BRCA2: variants seen among roughly 807,000 people sequenced by gnomAD.
BRCA2 encodes BRCA2 DNA repair associated.
BRCA2 carries 203 observed loss-of-function variants against 276.7 expected under a neutral mutation model. That is an observed-to-expected ratio of 0.73 (90% CI 0.65 to 0.82). The LOEUF (loss-of-function observed/expected upper bound fraction) is 0.82. BRCA2 is among the 40% of genes least tolerant of loss of function. The pLI is 0.00. For synonymous variants in BRCA2, 1,289 were observed against 1,338.4 expected (o/e 0.96, Z 0.81); for missense variants, 3,920 against 3,915.0 (o/e 1.00, Z -0.03).
At chr13:32,344,946 C>A (rs1360997094) in intron 12 of BRCA2, among the ~76,000 whole-genome samples, 1 of 152,078 alleles carries the variant, frequency 6.6e-6, no homozygotes, top group Non-Finnish European at 1.5e-5. Flanking sequence ...CTGAGTTATG[C>A]GGATCTTCCG....
Position 32,339,127 on chromosome 13 carries a change from G to A in BRCA2, c.4772G>A (p.Cys1591Tyr), listed in dbSNP as rs1555283933. 1.4e-5 allele frequency: 22 copies of A among 1,613,848 alleles called. No individual in the cohort carries two copies. Among genetic ancestry groups the A allele is most frequent in the African/African-American group, 2.7e-5 (2 of 74,898 alleles). The change falls in exon 11 of 27, where the codon TGT becomes TAT. Residue 1591 changes from cysteine to tyrosine, a missense_variant. Physicochemically the swap from Cys to Tyr is radical, Grantham distance 194. Around this residue, in one of 2 missense-constraint regions of BRCA2, gnomAD observed 3,263 missense variants for 3,156.9 expected, o/e 1.03. Transcript: ENST00000380152. ...ATTGAGATCACAGCTGCCCCAAAGT[G>A]TAAAGAAATGCAGAATTCTCTCAAT... ...ETIEITAAPK[C>Y]KEMQNSLNND... is the part of the protein sequence containing the mutation.
At position 32,336,846 on chromosome 13, in the gene BRCA2, G is replaced by A. The variant is rs397507287; in HGVS notation, c.2491G>A (p.Val831Ile). 3.7e-6 allele frequency: 6 copies of A among 1,605,304 alleles called. No homozygotes were observed. The African/African-American group carries it at 5.4e-5, about 14-fold the overall frequency. Residue 831 changes from valine to isoleucine, a missense_variant, in exon 11 of 27, where the codon GTT becomes ATT. By Grantham distance (29) the Val-to-Ile change is conservative (BLOSUM62 3). Transcript: ENST00000380152. ...TGCTTTAAATGAAAATTATAAAAAC[G>A]TTGAGCTGTTGCCACCTGAAAAATA... ...VCALNENYKN[V>I]ELLPPEKYMR...
intron 3 of BRCA2, among the ~76,000 whole-genome samples, chr13:32,322,040 A>T (rs1226616925): frequency 6.6e-6 from 1 of 151,926 alleles, no homozygotes; most frequent in Non-Finnish European, 1.5e-5. Context: ...CACCCTTTGT[A>T]TGGTTCTATG....
At chr13:32,362,466 GA>G in intron 16 of BRCA2, 56 bp from the exon 17 acceptor site, 1 of 1,510,302 alleles carries the variant, frequency 6.6e-7, no homozygotes, top group Non-Finnish European at 9.2e-7. Flanking sequence ...TGTAGTTGTT[GA>G]ATTCAGTATC....
rs863224303 is a variant in BRCA2 at position 32,319,231 on chromosome 13, G to C, written c.222G>C (p.Leu74=). ...AAAGGAAACCATCTTATAATCAGCT[G>C]GCTTCAACTCCAATAATATTCAAAG... ...TPQRKPSYNQ[L]ASTPIIFKEQ... Residue 74 remains leucine (L), a synonymous_variant, in exon 3 of 27, where the codon CTG becomes CTC. Transcript: ENST00000380152. 1.9e-6 allele frequency: 3 copies of C among 1,613,488 alleles called. No homozygotes were observed. The highest frequency in any genetic ancestry group is 2.5e-6 in the Non-Finnish European group (3 of 1,179,570).
rs762815401 is a variant in BRCA2, at chr13:32,346,795, CTAATATG to C, written c.6938-25_6938-19del. The C allele has an allele frequency of 3.8e-5, 58 of 1,526,286 alleles. No homozygotes were observed. In the East Asian group the frequency reaches 1.3e-3, roughly 35 times the overall value. 94.5% of individuals were successfully genotyped at this position (1,526,286 alleles called of 1,614,324 possible). ...ACATGGATATTCTCTTAGATTTTAA[CTAATATG>C]TAATATAAAATAATTGTTTCCTAGG... On this transcript the variant is annotated intron_variant, in intron 12 of 26. Transcript: ENST00000380152.
rs11571698 is a variant in BRCA2, at chr13:32,351,909, C to G, written c.7008-2952C>G. Among the ~76,000 whole-genome samples the G allele has an allele frequency of 0.039, 5,866 of 152,212 alleles. 205 individuals are homozygous for G. Among genetic ancestry groups the G allele is most frequent in the South Asian group, 0.11 (536 of 4,822 alleles). On this transcript the variant is annotated intron_variant, in intron 13 of 26. Coordinates refer to ENST00000380152, the MANE Select transcript of BRCA2 (RefSeq NM_000059.4). ...CTCTGCCTCCTAGGTTCAAGCGACT[C>G]TCCTGCTTCAGCCTCCCAAGTAGCC...
chr13:32,329,166 A>G (rs1441428963), intron 7 of BRCA2, among the ~76,000 whole-genome samples: 1 of 152,230 alleles, frequency 6.6e-6, no homozygotes, highest in Non-Finnish European at 1.5e-5. Context: ...TCACAGCATC[A>G]TCTGACTTTC....
chr13:32,358,468 C>G lies in BRCA2; in HGVS notation c.7805+539C>G, dbSNP rs75002749. The stretch of plus-strand genomic sequence containing the variant: ...TCCAGGCTGGGCGATAAGAGTGAGA[C>G]TCCATCTCAAAAAAAAAAAAAAGAA... On this transcript the variant is annotated intron_variant, in intron 16 of 26. Coordinates refer to ENST00000380152, the MANE Select transcript of BRCA2 (RefSeq NM_000059.4). 7.7e-3 allele frequency among the ~76,000 whole-genome samples: 1,049 copies of G among 136,584 alleles called. 13 individuals are homozygous for G. The highest frequency in any genetic ancestry group is 0.028 in the African/African-American group (996 of 36,160). The allele number at this position is 136,584 out of a possible 152,430, so 89.6% of individuals were successfully genotyped here.
chr13:32,355,968 G>C (rs1295145571), intron 14 of BRCA2, among the ~76,000 whole-genome samples: 1 of 151,656 alleles, frequency 6.6e-6, no homozygotes, highest in African/African-American at 2.4e-5. Flanking sequence ...AATTAAAAGG[G>C]GTACCCTTTT....
intron 11 of BRCA2, among the ~76,000 whole-genome samples, chr13:32,341,665 G>T (rs914562317): frequency 1.2e-4 from 18 of 152,054 alleles, no homozygotes; most frequent in Admixed American, 1.2e-3. Flanking sequence ...AGGAGATCGA[G>T]ACCATCCCGG....
At position 32,362,592 on chromosome 13, in the gene BRCA2, A is replaced by G. The variant is rs2137577015; in HGVS notation, c.7875A>G (p.Arg2625=). 1.2e-6 allele frequency: 2 copies of G among 1,614,158 alleles called. No individual in the cohort carries two copies. Among genetic ancestry groups the G allele is most frequent in the East Asian group, 2.2e-5 (1 of 44,882 alleles). ...GAATTTGGGTTTATAATCACTATAG[A>G]TGGATCATATGGAAACTGGCAGCTA... ...ISRIWVYNHY[R]WIIWKLAAME... Residue 2625 remains arginine, a synonymous_variant, in exon 17 of 27, where the codon AGA becomes AGG. Transcript: ENST00000380152.
rs1064793402 is a variant in BRCA2 at position 32,333,338 on chromosome 13, T to G, written c.1860T>G (p.Phe620Leu). Reference protein sequence around the residue: ...KSELINCSAQFEANAFEAPLT... With the variant: ...KSELINCSAQLEANAFEAPLT... ...AACTAATTAACTGTTCAGCCCAGTT[T>G]GAAGCAAATGCTTTTGAAGCACCAC... The change falls in exon 10 of 27, where the codon TTT (phenylalanine) becomes TTG (leucine). Residue 620 changes from phenylalanine (F) to leucine (L), a missense_variant. Around this residue, in one of 2 missense-constraint regions of BRCA2, gnomAD observed 3,263 missense variants for 3,156.9 expected, o/e 1.03. Coordinates refer to ENST00000380152, the MANE Select transcript of BRCA2 (RefSeq NM_000059.4). 3 of 1,607,550 alleles carry G rather than the reference T, an allele frequency of 1.9e-6. No individual in the cohort carries two copies. Among genetic ancestry groups the G allele is most frequent in the Admixed American group, 1.7e-5 (1 of 59,032 alleles).
Position 32,356,610 on chromosome 13 carries a change from G to GT in BRCA2, c.7617+2dup. On this transcript the variant is annotated splice_donor_variant, in intron 15 of 26. Coordinates refer to ENST00000380152, the MANE Select transcript of BRCA2 (RefSeq NM_000059.4). LOFTEE classifies it high-confidence loss of function. ...TCCCTCTGCGTGTTCTCATAAACAG[G>GT]TATGTGTTTGTCTACAATACTGATG... is the stretch of plus-strand genomic sequence containing the variant. 1 of 1,613,814 alleles carries GT rather than the reference G, an allele frequency of 6.2e-7. No homozygotes were observed. Among genetic ancestry groups the GT allele is most frequent in the Non-Finnish European group, 8.5e-7 (1 of 1,179,738 alleles).
rs398122606 is a variant in BRCA2 at position 32,370,475 on chromosome 13, C to T, written c.8405C>T (p.Pro2802Leu). ...LGFFPDPRPFPLPLSSLFSDG... is the reference protein window; with the variant it reads ...LGFFPDPRPFLLPLSSLFSDG... Reference sequence around the variant, plus strand: ...TTCTTTCCTGACCCTAGACCTTTTCCTCTGCCCTTATCATCGCTTTTCAGT... The same window carrying T: ...TTCTTTCCTGACCCTAGACCTTTTCTTCTGCCCTTATCATCGCTTTTCAGT... Residue 2802 changes from proline (P) to leucine (L), a missense_variant, in exon 19 of 27, where the codon CCT becomes CTT. Pro to Leu is a moderately conservative substitution (Grantham distance 98). Around this residue, in one of 2 missense-constraint regions of BRCA2, gnomAD observed 657 missense variants for 758.2 expected, o/e 0.87. Transcript: ENST00000380152. 2 of 1,613,974 alleles carry T rather than the reference C, an allele frequency of 1.2e-6. No individual in the cohort carries two copies. Among genetic ancestry groups the T allele is most frequent in the East Asian group, 2.2e-5 (1 of 44,886 alleles).
At chr13:32,387,001 G>C (rs1956155979) in intron 24 of BRCA2, among the ~76,000 whole-genome samples, 1 of 151,748 alleles carries the variant, frequency 6.6e-6, no homozygotes, top group South Asian at 2.1e-4. Flanking sequence ...CTGGTGATTT[G>C]CTGGCATTTT....
At chr13:32,352,068 T>C (rs2072657056) in intron 13 of BRCA2, among the ~76,000 whole-genome samples, 1 of 152,174 alleles carries the variant, frequency 6.6e-6, no homozygotes. Flanking sequence ...CCCAAGGTGC[T>C]GGGATTACAG....
In BRCA2 at chr13:32,362,397, A is replaced by G. The variant is rs948014704; in HGVS notation, c.7806-126A>G. 5 of 879,682 alleles carry G rather than the reference A, an allele frequency of 5.7e-6. No homozygotes were observed. The East Asian group carries it at 1.3e-4, about 23-fold the overall frequency. The allele number at this position is 879,682 out of a possible 1,614,324, so 54.5% of individuals were successfully genotyped here. A position where few individuals can be genotyped will look rare whatever the true frequency, so the allele number is the denominator to read the frequency against. On this transcript the variant is annotated intron_variant, in intron 16 of 26. Coordinates refer to ENST00000380152, the MANE Select transcript of BRCA2 (RefSeq NM_000059.4). ...ATTTTCTGAAATTATATTGTAGATC[A>G]TATGAACTCATAAAAACTTAATGAT...
rs553616762 is a variant in BRCA2, at chr13:32,328,976, A to C, written c.632-467A>C. Among the ~76,000 whole-genome samples the C allele has an allele frequency of 3.3e-5, 5 of 152,348 alleles. No individual in the cohort carries two copies. In the South Asian group the frequency reaches 1.0e-3, roughly 32 times the overall value. On this transcript the variant is annotated intron_variant, in intron 7 of 26. Transcript: ENST00000380152. Reference sequence around the variant, plus strand: ...TACATTTTGTTTATTCTAGCAAAATAGCATTCTGTTTTGATTCCTCTTTAG... The same window carrying C: ...TACATTTTGTTTATTCTAGCAAAATCGCATTCTGTTTTGATTCCTCTTTAG...
Sources: allele counts gnomAD v4.1 joint callset (sites outside exome capture counted in the v4.1 genomes callset), GRCh38; gene constraint gnomAD v4.1.1; regional missense constraint gnomAD v4.1.1; transcripts MANE v1.5; gene names NCBI Gene and HGNC (gene_info 2026-07-23, HGNC 2026-07-21).